HEXA: variants seen among roughly 807,000 people sequenced by gnomAD.
HEXA encodes hexosaminidase subunit alpha, also known as beta-hexosaminidase subunit alpha.
In HEXA, 54 loss-of-function variants were observed where a neutral mutation model predicts 73.3. That is an observed-to-expected ratio of 0.74 (90% CI 0.59 to 0.92). HEXA has a LOEUF of 0.92. HEXA is among the 40% of genes least tolerant of loss of function. The probability of loss-of-function intolerance (pLI) is 0.00; values close to 1 mark genes in which losing one functional copy is unlikely to be tolerated. For missense variants in HEXA, 649 were observed against 653.0 expected, an observed-to-expected ratio of 0.99 and a Z score of 0.07; for synonymous variants, 230 against 246.9, an observed-to-expected ratio of 0.93 and a Z score of 0.64.
intron 1 of HEXA, among the ~76,000 whole-genome samples, chr15:72,364,130 C>T (rs947981086): frequency 2.0e-4 from 30 of 151,832 alleles, no homozygotes; most frequent in Non-Finnish European, 3.1e-4. Context: ...ATTAGCTGGG[C>T]GTGGTAGCAG....
At chr15:72,361,191 G>C (rs1246227860) in intron 1 of HEXA, among the ~76,000 whole-genome samples, 1 of 152,220 alleles carries the variant, frequency 6.6e-6, no homozygotes, top group Non-Finnish European at 1.5e-5. Context: ...CCAGCTGTCA[G>C]AGAGCTAATA....
At chr15:72,375,575 C>A in intron 1 of HEXA, 145 bp downstream of exon 1, 2 of 839,506 alleles carry the variant, frequency 2.4e-6, no homozygotes, top group Non-Finnish European at 3.8e-6. Flanking sequence ...TGGATGAAAA[C>A]CTAATGCAGC....
At chr15:72,345,272 A>T in intron 13 of HEXA, 174 bp downstream of exon 13, 1 of 1,148,814 alleles carries the variant, frequency 8.7e-7, no homozygotes, top group African/African-American at 1.6e-5. Flanking sequence ...TTTTTGTTGT[A>T]TTTTTTTTTT....
At chr15:72,348,655 C>A (rs1215071900) in intron 8 of HEXA, among the ~76,000 whole-genome samples, 3 of 152,186 alleles carry the variant, frequency 2.0e-5, no homozygotes, top group Non-Finnish European at 4.4e-5. Context: ...AGCCCCTCAG[C>A]CTCTTTTGAG....
At chr15:72,366,531 G>A (rs757333547) in intron 1 of HEXA, among the ~76,000 whole-genome samples, 3 of 151,870 alleles carry the variant, frequency 2.0e-5, no homozygotes, top group Non-Finnish European at 4.4e-5. Flanking sequence ...AGCTGGTCTC[G>A]AACTCCTGAC....
In HEXA at chr15:72,343,143, C is replaced by A. The variant is rs971684766; in HGVS notation, c.*934G>T. The A allele has an allele frequency of 1.3e-5, 2 of 152,208 alleles. No homozygotes were observed. The highest frequency in any genetic ancestry group is 2.4e-5 in the African/African-American group (1 of 41,440). The allele number at this position is 152,208 out of a possible 1,614,324, so 9.4% of individuals were successfully genotyped here. ...GGCTGAGGCAGGAGAATGGCGTGAA[C>A]CCAGGAGGTGGAGCTTGCAGTGAGT... On this transcript the variant is annotated 3_prime_UTR_variant, in exon 14 of 14. Transcript: ENST00000268097.
chr15:72,342,900 A>G lies in HEXA; in HGVS notation c.*1177T>C, dbSNP rs2088566228. ...CATGAGTTCAAGACCAGCCTGGCCAATATAGTGAAACCCCATCTCTACTAA... is the reference window on the plus strand; with the variant it reads ...CATGAGTTCAAGACCAGCCTGGCCAGTATAGTGAAACCCCATCTCTACTAA... On this transcript the variant is annotated 3_prime_UTR_variant, in exon 14 of 14. Transcript: ENST00000268097. The G allele has an allele frequency of 6.6e-6, 1 of 151,942 alleles. No homozygotes were observed. The highest frequency in any genetic ancestry group is 2.1e-4 in the South Asian group (1 of 4,812). 9.4% of individuals were successfully genotyped at this position (151,942 alleles called of 1,614,324 possible). A position where few individuals can be genotyped will look rare whatever the true frequency, so the allele number is the denominator to read the frequency against.
chr15:72,355,756 A>C (rs2088769421), intron 2 of HEXA, 132 bp from the exon 3 acceptor site: 1 of 708,266 alleles, frequency 1.4e-6, no homozygotes, highest in Admixed American at 2.1e-5. Flanking sequence ...AAAATCTTTC[A>C]ATGAGGAGAT....
At chr15:72,346,876 G>C in intron 10 of HEXA, 166 bp from the exon 11 acceptor site, 1 of 714,184 alleles carries the variant, frequency 1.4e-6, no homozygotes, top group Non-Finnish European at 2.5e-6. Context: ...TCAGGACAGA[G>C]GCCAAGGAAT....
At chr15:72,370,736 C>G (rs2088980977) in intron 1 of HEXA, 1 of 365,912 alleles carries the variant, frequency 2.7e-6, no homozygotes, top group Admixed American at 4.7e-5. Flanking sequence ...AAAAACAGGG[C>G]TGTGAGAAGA....
rs775040628 is a variant in HEXA at position 72,376,000 on chromosome 15, G to C, written c.-28C>G. ...CCCGCTGGTCTCCCCTCTCGGAGGG[G>C]GCTGGCCACGTGAGACCCTGGTCAG... On this transcript the variant is annotated 5_prime_UTR_variant, in exon 1 of 14. Transcript: ENST00000268097. The C allele has an allele frequency of 6.2e-7, 1 of 1,609,478 alleles. No individual in the cohort carries two copies. Among genetic ancestry groups the C allele is most frequent in the South Asian group, 1.1e-5 (1 of 91,004 alleles).
Position 72,349,278 on chromosome 15 carries a change from C to T in HEXA, c.806-19G>A. The stretch of plus-strand genomic sequence containing the variant: ...GGGATACCTAAGCCAAGAGAAAACC[C>T]CATATGAGTGTCACAAATACATAAA... On this transcript the variant is annotated intron_variant, in intron 7 of 13. Coordinates refer to ENST00000268097, the MANE Select transcript of HEXA (RefSeq NM_000520.6). 6.2e-7 allele frequency: 1 copy of T among 1,604,642 alleles called. No homozygotes were observed. Among genetic ancestry groups the T allele is most frequent in the Non-Finnish European group, 8.5e-7 (1 of 1,171,984 alleles).
chr15:72,349,005 G>T, intron 8 of HEXA, 74 bp downstream of exon 8: 1 of 1,239,606 alleles, frequency 8.1e-7, no homozygotes, highest in Non-Finnish European at 1.2e-6. Flanking sequence ...GAGCTAAGCA[G>T]CCCCTCGGGT....
intron 1 of HEXA, chr15:72,370,388 C>T (rs2088973802): frequency 2.7e-6 from 1 of 373,868 alleles, no homozygotes; most frequent in African/African-American, 2.1e-5. Flanking sequence ...TACAGGGATA[C>T]TAGAAAAGTA....
At chr15:72,346,840 T>C (rs2088621891) in intron 10 of HEXA, 130 bp from the exon 11 acceptor site, 2 of 876,590 alleles carry the variant, frequency 2.3e-6, no homozygotes. Context: ...TATGTCTCTG[T>C]GACTCCTGAC....
rs1205281985 is a variant in HEXA, at chr15:72,348,055, T to A, written c.1066A>T (p.Ile356Phe). The A allele has an allele frequency of 1.2e-6, 2 of 1,610,346 alleles. No individual in the cohort carries two copies. The highest frequency in any genetic ancestry group is 2.2e-5 in the South Asian group (2 of 91,004). Residue 356 changes from isoleucine (I) to phenylalanine (F), a missense_variant, in exon 9 of 14, where the codon ATC (isoleucine) becomes TTC (phenylalanine). Physicochemically the swap from Ile to Phe is conservative, Grantham distance 21 (BLOSUM62 0). Coordinates refer to ENST00000268097, the MANE Select transcript of HEXA (RefSeq NM_000520.6). ...EDFKQLESFY[I>F]QTLLDIVSSY... Reference sequence around the variant, plus strand: ...CCCTCCTTCCTTCCTCACGTCTGGATGTAGAAGGACTCCAGCTGCTTGAAG... The same window carrying A: ...CCCTCCTTCCTTCCTCACGTCTGGAAGTAGAAGGACTCCAGCTGCTTGAAG...
In HEXA at chr15:72,375,964, G is replaced by A. The variant is rs1800428; in HGVS notation, c.9C>T (p.Ser3=). Residue 3 remains serine, a synonymous_variant, in exon 1 of 14, where the codon AGC becomes AGT. Coordinates refer to ENST00000268097, the MANE Select transcript of HEXA (RefSeq NM_000520.6). MT[S]SRLWFSLLLA... ...GCAGCAGCGAAAACCAAAGCCTGGA[G>A]CTTGTCATGGCCCGCTGGTCTCCCC... 0.042 allele frequency: 68,358 copies of A among 1,613,708 alleles called. 1,833 individuals carry two copies. The highest frequency in any genetic ancestry group is 0.14 in the East Asian group (6,119 of 44,864).
Position 72,353,749 on chromosome 15 carries a change from T to C in HEXA, c.413-12A>G. The C allele has an allele frequency of 6.2e-7, 1 of 1,602,146 alleles. No homozygotes were observed. The highest frequency in any genetic ancestry group is 8.6e-7 in the Non-Finnish European group (1 of 1,169,080). On this transcript the variant is annotated splice_polypyrimidine_tract_variant and intron_variant, in intron 3 of 13. Transcript: ENST00000268097. ...AAAAGTCTCCAGACCTAGGAAGATG[T>C]AGAGAGGCAGAGTAAAGACTCAGGG...
intron 1 of HEXA, 91 bp from the exon 2 acceptor site, chr15:72,356,708 C>A (rs952678800): frequency 1.3e-6 from 2 of 1,579,986 alleles, no homozygotes; most frequent in South Asian, 1.1e-5. Context: ...TCAGCTCACA[C>A]GCCTGTGGTA....
Sources: gnomAD v4.1 joint callset for allele counts (sites outside exome capture counted in the v4.1 genomes callset) on GRCh38, gnomAD v4.1.1 for gene constraint, MANE v1.5 for transcripts, NCBI Gene and HGNC (gene_info 2026-07-23, HGNC 2026-07-21) for gene names.